PTPN3: variants seen among roughly 807,000 people sequenced by gnomAD.
PTPN3 encodes the protein tyrosine-protein phosphatase non-receptor type 3.
PTPN3 carries 96 observed loss-of-function variants against 132.7 expected under a neutral mutation model. The observed-to-expected ratio is 0.72, with a 90% confidence interval of 0.61 to 0.86. The LOEUF is 0.86. Ranked by LOEUF, PTPN3 falls within the 40% of genes least tolerant of loss-of-function variation. The pLI, the probability that PTPN3 is intolerant of heterozygous loss-of-function variation, is 0.00. For synonymous variants in PTPN3, 398 were observed against 429.0 expected (o/e 0.93, Z 0.89); for missense variants, 1,125 against 1,159.6 (o/e 0.97, Z 0.43).
upstream of PTPN3, among the ~76,000 whole-genome samples, chr9:109,499,986 C>A (rs904553067): frequency 6.6e-6 from 1 of 152,224 alleles, no homozygotes; most frequent in African/African-American, 2.4e-5. Context: ...GAAGGAGGAG[C>A]CCCCTGGAGG....
intron 22 of PTPN3, 87 bp from the exon 23 acceptor site, chr9:109,383,638 A>G: frequency 6.5e-7 from 1 of 1,527,610 alleles, no homozygotes; most frequent in Non-Finnish European, 8.9e-7. Context: ...CGGGTTAGGC[A>G]TCCTCTCATG....
intron 14 of PTPN3, among the ~76,000 whole-genome samples, chr9:109,415,155 C>G (rs1397320733): frequency 6.6e-6 from 1 of 151,804 alleles, no homozygotes; most frequent in Non-Finnish European, 1.5e-5. Context: ...CTATTAAATG[C>G]CAAATAACCA....
At chr9:109,485,951 A>C (rs1308728126) in intron 1 of PTPN3, among the ~76,000 whole-genome samples, 1 of 152,234 alleles carries the variant, frequency 6.6e-6, no homozygotes, top group Non-Finnish European at 1.5e-5. Context: ...CAGCAAATCT[A>C]AGTTTACGAT....
At chr9:109,411,505 A>G (rs72746973) in intron 14 of PTPN3, among the ~76,000 whole-genome samples, 4 of 152,236 alleles carry the variant, frequency 2.6e-5, no homozygotes, top group Non-Finnish European at 5.9e-5. Context: ...TTCCGGAGCC[A>G]CAGGCCCAGC....
At chr9:109,474,816 A>G (rs1487641997) in intron 1 of PTPN3, among the ~76,000 whole-genome samples, 2 of 152,192 alleles carry the variant, frequency 1.3e-5, no homozygotes, top group African/African-American at 4.8e-5. Context: ...CATCAGAATC[A>G]GACAGCTGTG....
chr9:109,378,584 C>T lies in PTPN3; in HGVS notation c.*972G>A, dbSNP rs1838766610. 1 of 152,668 alleles carries T rather than the reference C, an allele frequency of 6.6e-6. No homozygotes were observed. 9.5% of individuals were successfully genotyped at this position (152,668 alleles called of 1,614,324 possible). On this transcript the variant is annotated 3_prime_UTR_variant, in exon 26 of 26. Transcript: ENST00000374541. ...GTACACAGCCCCACGGCCAACCCTCCAGAAGCTGGGTTTCCCATGGTTCAA... is the reference window on the plus strand; with the variant it reads ...GTACACAGCCCCACGGCCAACCCTCTAGAAGCTGGGTTTCCCATGGTTCAA...
chr9:109,407,665 C>T (rs1005885124), intron 17 of PTPN3, among the ~76,000 whole-genome samples: 1 of 152,080 alleles, frequency 6.6e-6, no homozygotes, highest in Non-Finnish European at 1.5e-5. Context: ...CTGCCTCAGC[C>T]TCCTGAGTAG....
intron 6 of PTPN3, 98 bp from the exon 7 acceptor site, chr9:109,445,390 G>A: frequency 9.0e-7 from 1 of 1,107,124 alleles, no homozygotes; most frequent in Non-Finnish European, 1.4e-6. Flanking sequence ...TCTTTGCTTT[G>A]ATCAACCATT....
chr9:109,447,258 C>T (rs1218188642), intron 6 of PTPN3, among the ~76,000 whole-genome samples: 1 of 152,056 alleles, frequency 6.6e-6, no homozygotes, highest in African/African-American at 2.4e-5. Context: ...CCTTATTTGA[C>T]CAGCGTAGTT....
chr9:109,454,255 G>A (rs1317062702), intron 5 of PTPN3, among the ~76,000 whole-genome samples: 1 of 152,158 alleles, frequency 6.6e-6, no homozygotes, highest in Non-Finnish European at 1.5e-5. Flanking sequence ...GGAGGTGGCA[G>A]ATGGGAGTAT....
chr9:109,441,610 G>A (rs567192369), intron 7 of PTPN3, among the ~76,000 whole-genome samples: 2 of 152,238 alleles, frequency 1.3e-5, no homozygotes, highest in South Asian at 2.1e-4. Context: ...CCTCTATGTG[G>A]CACAGGTGCA....
chr9:109,439,902 C>G (rs1256861780), intron 7 of PTPN3, among the ~76,000 whole-genome samples: 1 of 150,420 alleles, frequency 6.6e-6, no homozygotes, highest in African/African-American at 2.5e-5. Context: ...CAGCCAGACT[C>G]TGTCTCAAAA....
chr9:109,476,805 C>T (rs747347630), intron 1 of PTPN3, among the ~76,000 whole-genome samples: 8 of 152,238 alleles, frequency 5.3e-5, no homozygotes, highest in Non-Finnish European at 5.9e-5. Context: ...CCCGCCACAG[C>T]CACTCAACAC....
chr9:109,492,256 T>C (rs1245016637), intron 1 of PTPN3, among the ~76,000 whole-genome samples: 1 of 151,414 alleles, frequency 6.6e-6, no homozygotes, highest in Non-Finnish European at 1.5e-5. Flanking sequence ...TGAGCTGATG[T>C]GGCTGAGGGA....
rs1564457988 is a variant in PTPN3 at position 109,454,541 on chromosome 9, CT to C, written c.322del (p.Arg108AspfsTer23). On this transcript the variant is annotated frameshift_variant, in exon 5 of 26. Coordinates refer to ENST00000374541, the MANE Select transcript of PTPN3 (RefSeq NM_002829.4). LOFTEE classifies it high-confidence loss of function. ...TGTGTTGGGATCAGGTATAAAAAATCTTACTCGAAAATGCAGGGTACAGGGG... is the reference window on the plus strand; with the variant it reads ...TGTGTTGGGATCAGGTATAAAAAATCTACTCGAAAATGCAGGGTACAGGGG... ...GFPCTLHFRV[R>X]FFIPDPNTLQ... The C allele has an allele frequency of 1.2e-6, 2 of 1,613,620 alleles. No homozygotes were observed. Among genetic ancestry groups the C allele is most frequent in the Admixed American group, 1.7e-5 (1 of 60,012 alleles).
At chr9:109,454,644 T>TATGGAAGAGAAGCAA in intron 4 of PTPN3, 70 bp from the exon 5 acceptor site, 1 of 1,219,320 alleles carries the variant, frequency 8.2e-7, no homozygotes, top group Non-Finnish European at 1.2e-6. Flanking sequence ...TTGCTTCTCT[T>TATGGAAGAGAAGCAA]CCATAAGTGA....
At chr9:109,476,829 G>A (rs1325182580) in intron 1 of PTPN3, among the ~76,000 whole-genome samples, 2 of 152,228 alleles carry the variant, frequency 1.3e-5, no homozygotes, top group African/African-American at 4.8e-5. Flanking sequence ...CTCTGTGAAT[G>A]CTGCCTATGC....
At chr9:109,408,443 A>AAAG in intron 16 of PTPN3, 66 bp from the exon 17 acceptor site, 2 of 1,310,972 alleles carry the variant, frequency 1.5e-6, no homozygotes, top group Non-Finnish European at 2.2e-6. Flanking sequence ...CAAACAAAAA[A>AAAG]ACGAGTAGCT....
At chr9:109,507,208 A>C in the PTPN3 span, among the ~76,000 whole-genome samples, 1 of 152,236 alleles carries the variant, frequency 6.6e-6, no homozygotes, top group Non-Finnish European at 1.5e-5. Flanking sequence ...ATAAAAGAAA[A>C]GGAAAAATGG....
Sources: allele counts gnomAD v4.1 joint callset (sites outside exome capture counted in the v4.1 genomes callset), GRCh38; gene constraint gnomAD v4.1.1; transcripts MANE v1.5; gene names NCBI Gene and HGNC (gene_info 2026-07-23, HGNC 2026-07-21).